The following CEP89 variants were observed in gnomAD, a reference collection of about 807,000 sequenced individuals.
CEP89 encodes centrosomal protein of 89 kDa.
Under a neutral mutation model 97.6 loss-of-function variants are expected in CEP89, and 95 were observed. The ratio of observed to expected loss-of-function variants is 0.97; its 90% confidence interval spans 0.82 to 1.15. CEP89 has a LOEUF of 1.15. Among genes scored for constraint, CEP89 ranks in the 50% most tolerant of loss-of-function variants. CEP89 has a pLI of 0.00. For missense variants in CEP89, 869 were observed against 947.7 expected (o/e 0.92, Z 1.09); for synonymous variants, 354 against 349.1 (o/e 1.01, Z -0.16).
At chr19:32,941,067 T>TTTA (rs2016275531) in intron 5 of CEP89, among the ~76,000 whole-genome samples, 1 of 152,154 alleles carries the variant, frequency 6.6e-6, no homozygotes, top group African/African-American at 2.4e-5. Context: ...GGCCCTGAGT[T>TTTA]GCTTTTAACT....
At chr19:32,932,362 T>C (rs964453599) in intron 8 of CEP89, among the ~76,000 whole-genome samples, 3 of 152,036 alleles carry the variant, frequency 2.0e-5, no homozygotes, top group Non-Finnish European at 4.4e-5. Context: ...ATAAGAATTA[T>C]GCAGGGTCTA....
chr19:32,954,790 G>T (rs1971011691), intron 3 of CEP89, among the ~76,000 whole-genome samples: 1 of 142,426 alleles, frequency 7.0e-6, no homozygotes, highest in Non-Finnish European at 1.6e-5. Context: ...TCAGCCTCCT[G>T]AGTAGCTGGG....
At chr19:32,916,884 T>G (rs566637800) in intron 13 of CEP89, among the ~76,000 whole-genome samples, 2 of 152,194 alleles carry the variant, frequency 1.3e-5, no homozygotes, top group East Asian at 3.9e-4. Context: ...GGCGCGTGAC[T>G]GTAATCCCAG....
chr19:32,937,360 C>T (rs1458389637), intron 7 of CEP89, among the ~76,000 whole-genome samples: 5 of 151,612 alleles, frequency 3.3e-5, no homozygotes, highest in Non-Finnish European at 7.4e-5. Context: ...CATTACATCC[C>T]ACAGGTCCAC....
intron 5 of CEP89, among the ~76,000 whole-genome samples, chr19:32,941,145 G>A (rs927511421): frequency 7.2e-5 from 11 of 152,082 alleles, no homozygotes; most frequent in African/African-American, 2.4e-4. Flanking sequence ...GCAAAAAATA[G>A]GTGAAAAAAC....
In CEP89 at chr19:32,926,911, GAAATTAAA is replaced by G; in HGVS notation, c.1080+15_1080+22del. On this transcript the variant is annotated intron_variant, in intron 10 of 18. Coordinates refer to ENST00000305768, the MANE Select transcript of CEP89 (RefSeq NM_032816.5). ...AAATATACCCTGAAAATATGGGCCTGAAATTAAATAACTTTCACTTACCAACCAGGGTG... is the reference window on the plus strand; with the variant it reads ...AAATATACCCTGAAAATATGGGCCTGTAACTTTCACTTACCAACCAGGGTG... 6.2e-7 allele frequency: 1 copy of G among 1,608,014 alleles called. No homozygotes were observed. Among genetic ancestry groups the G allele is most frequent in the Non-Finnish European group, 8.5e-7 (1 of 1,174,808 alleles).
chr19:32,902,004 C>CTGTGTGTGTGTGTGTGTGTGTGTGTGTG (rs1455977169), intron 14 of CEP89, among the ~76,000 whole-genome samples: 16 of 100,342 alleles, frequency 1.6e-4, no homozygotes, highest in East Asian at 5.0e-4. Context: ...CTGTCTCTCT[C>CTGTGTGTGTGTGTGTGTGTGTGTGTGTG]TCTCTCTGTG....
intron 11 of CEP89, among the ~76,000 whole-genome samples, chr19:32,925,877 C>T (rs1970346709): frequency 6.6e-6 from 1 of 152,120 alleles, no homozygotes; most frequent in South Asian, 2.1e-4. Flanking sequence ...ACCCCAAGAT[C>T]TCAGCCCATA....
chr19:32,924,727 T>C (rs1163611949), intron 11 of CEP89, among the ~76,000 whole-genome samples: 1 of 152,152 alleles, frequency 6.6e-6, no homozygotes, highest in Non-Finnish European at 1.5e-5. Flanking sequence ...AACTAAAGTG[T>C]GCAAACCAGC....
chr19:32,955,277 C>T (rs997446675), intron 3 of CEP89, among the ~76,000 whole-genome samples: 2 of 152,160 alleles, frequency 1.3e-5, no homozygotes, highest in East Asian at 3.8e-4. Flanking sequence ...GTTGGGATTA[C>T]AGGTATGATC....
intron 6 of CEP89, among the ~76,000 whole-genome samples, chr19:32,939,245 T>A (rs1970637788): frequency 6.6e-6 from 1 of 152,126 alleles, no homozygotes; most frequent in Non-Finnish European, 1.5e-5. Context: ...AGGGAGATCC[T>A]GTCTCAAAAA....
At chr19:32,939,759 G>A (rs1291434728) in intron 6 of CEP89, 98 bp downstream of exon 6, 9 of 579,578 alleles carry the variant, frequency 1.6e-5, no homozygotes, top group East Asian at 3.3e-5. Context: ...CAAAATCACC[G>A]CCAAAGTTTC....
At chr19:32,968,040 G>A (rs1348278241) in intron 1 of CEP89, among the ~76,000 whole-genome samples, 1 of 152,034 alleles carries the variant, frequency 6.6e-6, no homozygotes, top group South Asian at 2.1e-4. Flanking sequence ...GTGAGGGATG[G>A]GCACACCTTC....
intron 12 of CEP89, among the ~76,000 whole-genome samples, chr19:32,919,019 G>A (rs1000817711): frequency 1.3e-5 from 2 of 151,090 alleles, no homozygotes. Context: ...CAAGTAGCTG[G>A]GACTACAGAT....
At chr19:32,927,985 G>A (rs536536980) in intron 9 of CEP89, among the ~76,000 whole-genome samples, 223 of 144,162 alleles carry the variant, frequency 1.5e-3, no homozygotes, top group African/African-American at 5.3e-3. Flanking sequence ...GTATGATCTC[G>A]GCTCACTGTA....
At chr19:32,962,201 G>A (rs991419058) in intron 2 of CEP89, among the ~76,000 whole-genome samples, 1 of 152,138 alleles carries the variant, frequency 6.6e-6, no homozygotes, top group Admixed American at 6.6e-5. Flanking sequence ...TCCTGTTCTT[G>A]TGATAGTGAG....
intron 12 of CEP89, among the ~76,000 whole-genome samples, chr19:32,920,596 G>A (rs1951202465): frequency 6.6e-6 from 1 of 152,084 alleles, no homozygotes. Context: ...TGATTCTCCT[G>A]CCTCAGGCTC....
Position 32,881,922 on chromosome 19 carries a change from T to C in CEP89, c.2057A>G (p.Tyr686Cys), listed in dbSNP as rs1217237013. The change falls in exon 18 of 19, where the codon TAC becomes TGC. Residue 686 changes from tyrosine to cysteine, a missense_variant. Physicochemically the swap from Tyr to Cys is radical, Grantham distance 194. Coordinates refer to ENST00000305768, the MANE Select transcript of CEP89 (RefSeq NM_032816.5). The part of the protein sequence containing the change: ...QEDFAGKTAQ[Y>C]RQEMRHLHQV... ...GTGCAGGTGCCGCATCTCCTGCCGG[T>C]ACTGGGCTGTCTTGCCGGCGAAGTC... 6.2e-7 allele frequency: 1 copy of C among 1,605,212 alleles called. No individual in the cohort carries two copies. Among genetic ancestry groups the C allele is most frequent in the Non-Finnish European group, 8.5e-7 (1 of 1,177,236 alleles).
At chr19:32,923,576 C>T (rs781560710) in intron 11 of CEP89, 34 bp from the exon 12 acceptor site, 8 of 1,227,366 alleles carry the variant, frequency 6.5e-6, no homozygotes, top group South Asian at 1.2e-5. Flanking sequence ...ATAACACACA[C>T]ATACCCACGC....
Sources: allele counts gnomAD v4.1 joint callset (sites outside exome capture counted in the v4.1 genomes callset), GRCh38; gene constraint gnomAD v4.1.1; transcripts MANE v1.5; gene names NCBI Gene and HGNC (gene_info 2026-07-23, HGNC 2026-07-21).